ARID5B: variants seen among roughly 807,000 people sequenced by gnomAD.
ARID5B encodes the protein AT-rich interaction domain 5B.
A neutral mutation model predicts 97.2 loss-of-function variants in ARID5B; 13 were observed. The observed-to-expected ratio is 0.13, with a 90% CI of 0.09 to 0.21. The LOEUF (loss-of-function observed/expected upper bound fraction) is 0.21. Ranked by LOEUF, ARID5B falls within the 10% of genes least tolerant of loss-of-function variation. The probability of loss-of-function intolerance (pLI) is 1.00; values close to 1 mark genes in which losing one functional copy is unlikely to be tolerated. For missense variants in ARID5B, 1,210 were observed against 1,465.3 expected (o/e 0.83, Z 2.84); for synonymous variants, 556 against 570.3 (o/e 0.97, Z 0.36).
At chr10:62,012,394 C>T (rs922844932) in intron 4 of ARID5B, among the ~76,000 whole-genome samples, 41 of 152,114 alleles carry the variant, frequency 2.7e-4, no homozygotes, top group Non-Finnish European at 2.1e-4. Flanking sequence ...AGTGATGGCA[C>T]GCACCTGTAG....
chr10:62,077,918 G>GA (rs1419684127), intron 8 of ARID5B, among the ~76,000 whole-genome samples: 4 of 152,018 alleles, frequency 2.6e-5, no homozygotes, highest in Non-Finnish European at 5.9e-5. Context: ...AAAGAAAAGG[G>GA]AAAAAAAGTA....
intron 4 of ARID5B, among the ~76,000 whole-genome samples, chr10:62,026,813 C>T (rs1302537803): frequency 6.6e-6 from 1 of 152,092 alleles, no homozygotes; most frequent in Non-Finnish European, 1.5e-5. Flanking sequence ...CTTTTAAAGA[C>T]CCAAAGATGC....
rs566725632 is a variant in ARID5B, at chr10:62,078,729, C to G, written c.1200-6973C>G. On this transcript the variant is annotated intron_variant, in intron 8 of 9. Coordinates refer to ENST00000279873, the MANE Select transcript of ARID5B (RefSeq NM_032199.3). ...TTCAATGTGGTTGTCATTTGAAAGGCATAGGAACAACATTAGTCTAGATGC... is the reference window on the plus strand; with the variant it reads ...TTCAATGTGGTTGTCATTTGAAAGGGATAGGAACAACATTAGTCTAGATGC... Among the ~76,000 whole-genome samples, 39 of 152,250 alleles carry G rather than the reference C, an allele frequency of 2.6e-4. 1 individual carries two copies. The highest frequency in any genetic ancestry group is 8.7e-4 in the African/African-American group (36 of 41,544).
chr10:62,082,580 G>A (rs1840227773), intron 8 of ARID5B, among the ~76,000 whole-genome samples: 1 of 152,156 alleles, frequency 6.6e-6, no homozygotes. Context: ...TCAAGGCGCA[G>A]GCATGGTGCA....
chr10:62,009,742 C>T (rs1233683029), intron 4 of ARID5B, among the ~76,000 whole-genome samples: 1 of 152,180 alleles, frequency 6.6e-6, no homozygotes, highest in Non-Finnish European at 1.5e-5. Context: ...TGCCATATAA[C>T]AGACACTACG....
intron 2 of ARID5B, among the ~76,000 whole-genome samples, chr10:61,922,882 A>G (rs1419043199): frequency 1.3e-5 from 2 of 152,310 alleles, no homozygotes; most frequent in South Asian, 2.1e-4. Flanking sequence ...GGAAGTGTGC[A>G]GTTTGGTCTT....
At chr10:62,032,226 G>A (rs1185462392) in intron 4 of ARID5B, among the ~76,000 whole-genome samples, 3 of 152,154 alleles carry the variant, frequency 2.0e-5, no homozygotes, top group South Asian at 2.1e-4. Flanking sequence ...GGCTGAGGTC[G>A]GAGGATTGCT....
Position 62,091,693 on chromosome 10 carries a change from A to G in ARID5B, c.2230A>G (p.Met744Val), listed in dbSNP as rs1307807670. ...QTHHGQSTDH[M>V]AVSRPSVIQH... is the part of the protein sequence containing the mutation. ...CCACCATGGCCAAAGCACTGACCAT[A>G]TGGCGGTCAGCCGGCCATCAGTGAT... The change falls in exon 10 of 10, where the codon ATG becomes GTG. Residue 744 changes from methionine to valine, a missense_variant. Met to Val is a conservative substitution (Grantham distance 21). Coordinates refer to ENST00000279873, the MANE Select transcript of ARID5B (RefSeq NM_032199.3). 1 of 1,614,184 alleles carries G rather than the reference A, an allele frequency of 6.2e-7. No individual in the cohort carries two copies.
intron 4 of ARID5B, among the ~76,000 whole-genome samples, chr10:62,014,313 G>C (rs924585773): frequency 6.6e-6 from 1 of 152,168 alleles, no homozygotes; most frequent in Non-Finnish European, 1.5e-5. Flanking sequence ...AGTGGTAATG[G>C]AGAATGGAAG....
intron 2 of ARID5B, among the ~76,000 whole-genome samples, chr10:61,923,077 AG>A (rs1844045155): frequency 6.6e-6 from 1 of 152,146 alleles, no homozygotes; most frequent in Admixed American, 6.5e-5. Flanking sequence ...CTTAAAGAAA[AG>A]GGGTCTGGAT....
intron 2 of ARID5B, among the ~76,000 whole-genome samples, chr10:61,907,248 A>C (rs939493807): frequency 1.3e-5 from 2 of 152,080 alleles, no homozygotes; most frequent in African/African-American, 4.8e-5. Context: ...TTTTTTCAAA[A>C]GATTGCCTGA....
At chr10:62,070,268 G>A (rs895970277) in intron 8 of ARID5B, among the ~76,000 whole-genome samples, 5 of 152,064 alleles carry the variant, frequency 3.3e-5, no homozygotes, top group South Asian at 2.1e-4. Flanking sequence ...TTTCTTCTAC[G>A]GAATCTTCTT....
chr10:61,931,458 T>C (rs1844208428), intron 2 of ARID5B, among the ~76,000 whole-genome samples: 1 of 152,110 alleles, frequency 6.6e-6, no homozygotes, highest in African/African-American at 2.4e-5. Context: ...AAAGAGTTCA[T>C]AGATATAATG....
chr10:61,980,305 G>A (rs1838759972), intron 3 of ARID5B, among the ~76,000 whole-genome samples: 1 of 152,186 alleles, frequency 6.6e-6, no homozygotes, highest in African/African-American at 2.4e-5. Flanking sequence ...ATTTTACAGA[G>A]CCAGAGAATG....
rs370212394 is a variant in ARID5B, at chr10:62,096,200, C to G, written c.*3170C>G. ...ATATACAGAAGGGTTTGTTAAAACT[C>G]GATGTTAACTTTACAACTTTCTGAC... On this transcript the variant is annotated 3_prime_UTR_variant, in exon 10 of 10. Coordinates refer to ENST00000279873, the MANE Select transcript of ARID5B (RefSeq NM_032199.3). 8.6e-6 allele frequency: 2 copies of G among 233,404 alleles called. No individual in the cohort carries two copies. Among genetic ancestry groups the G allele is most frequent in the African/African-American group, 4.4e-5 (2 of 45,292 alleles). 14.5% of individuals were successfully genotyped at this position (233,404 alleles called of 1,614,324 possible). A position where few individuals can be genotyped will look rare whatever the true frequency, so the allele number is the denominator to read the frequency against.
At chr10:61,935,958 C>T (rs896028127) in intron 2 of ARID5B, among the ~76,000 whole-genome samples, 2 of 152,138 alleles carry the variant, frequency 1.3e-5, no homozygotes, top group African/African-American at 4.8e-5. Context: ...TTCTGGAAAA[C>T]CCTACTATAT....
chr10:61,937,593 A>T (rs1033167285), intron 2 of ARID5B, among the ~76,000 whole-genome samples: 29 of 152,292 alleles, frequency 1.9e-4, no homozygotes, highest in Admixed American at 5.2e-4. Flanking sequence ...AACAAAGTGT[A>T]TTTCTTTGTG....
At chr10:61,951,778 T>C (rs1838327291) in intron 3 of ARID5B, among the ~76,000 whole-genome samples, 1 of 152,252 alleles carries the variant, frequency 6.6e-6, no homozygotes, top group Non-Finnish European at 1.5e-5. Context: ...AGAATTTATA[T>C]GGATATTATT....
At chr10:61,993,120 TACACACACACACACACAC>T (rs35119824) in intron 3 of ARID5B, among the ~76,000 whole-genome samples, 1 of 148,040 alleles carries the variant, frequency 6.8e-6, no homozygotes, top group Non-Finnish European at 1.5e-5. Context: ...GGAAGGGAGA[TACACACACACACACACAC>T]ACACACACAC....
Sources: allele counts gnomAD v4.1 joint callset (sites outside exome capture counted in the v4.1 genomes callset), GRCh38; gene constraint gnomAD v4.1.1; transcripts MANE v1.5; gene names NCBI Gene and HGNC (gene_info 2026-07-23, HGNC 2026-07-21).